Variants in ELOVL6 observed in about 807,000 individuals in gnomAD.
ELOVL6 encodes ELOVL fatty acid elongase 6.
A neutral mutation model predicts 31.7 loss-of-function variants in ELOVL6; 8 were observed. The observed-to-expected ratio is 0.25, with a 90% CI of 0.15 to 0.45. ELOVL6 has a LOEUF of 0.45. Among genes scored for constraint, ELOVL6 ranks in the 20% least tolerant of loss-of-function variants. The probability of loss-of-function intolerance (pLI) is 1.00; values close to 1 mark genes in which losing one functional copy is unlikely to be tolerated. For synonymous variants in ELOVL6, 101 were observed against 117.7 expected, an observed-to-expected ratio of 0.86 and a Z score of 0.92; for missense variants, 126 against 326.4, an observed-to-expected ratio of 0.39 and a Z score of 4.73.
chr4:110,090,600 C>CTTTTTTT (rs544234717), intron 2 of ELOVL6, among the ~76,000 whole-genome samples: 10,818 of 103,174 alleles, frequency 0.1, 1,470 homozygotes, highest in African/African-American at 0.22. Flanking sequence ...GTTTGACTTT[C>CTTTTTTT]TTTTTTTTTT....
At chr4:110,135,042 C>T (rs554200466) in intron 1 of ELOVL6, among the ~76,000 whole-genome samples, 1 of 152,190 alleles carries the variant, frequency 6.6e-6, no homozygotes, top group African/African-American at 2.4e-5. Context: ...GAGTACTTTC[C>T]TTTTATGTAT....
At chr4:110,161,291 T>C (rs1758624410) in intron 1 of ELOVL6, among the ~76,000 whole-genome samples, 1 of 152,210 alleles carries the variant, frequency 6.6e-6, no homozygotes, top group African/African-American at 2.4e-5. Flanking sequence ...CAAAATGCTA[T>C]GTATTATATA....
rs146875470 is a variant in ELOVL6 at position 110,066,274 on chromosome 4, T to C, written c.222-6520A>G. Among the ~76,000 whole-genome samples, 128 of 152,158 alleles carry C rather than the reference T, an allele frequency of 8.4e-4. 1 individual carries two copies. The highest frequency in any genetic ancestry group is 3.0e-3 in the African/African-American group (123 of 41,492). ...GCCAGAACAGGTTAAAACAAATTAA[T>C]CTCAAACCCACTGTAATGCCTCTAG... On this transcript the variant is annotated intron_variant, in intron 2 of 3. Coordinates refer to ENST00000302274, the MANE Select transcript of ELOVL6 (RefSeq NM_024090.3).
Position 110,084,191 on chromosome 4 carries a change from A to ATGTGATATATATGATATATATC in ELOVL6, c.221+21305_221+21306insGATATATATCATATATATCACA, listed in dbSNP as rs1454578180. Reference sequence around the variant, plus strand: ...GATATATATGATATATATAACATATAACTTATATGATATATATAACATATA... The same window carrying ATGTGATATATATGATATATATC: ...GATATATATGATATATATAACATATATGTGATATATATGATATATATCACTTATATGATATATATAACATATA... On this transcript the variant is annotated intron_variant, in intron 2 of 3. Coordinates refer to ENST00000302274, the MANE Select transcript of ELOVL6 (RefSeq NM_024090.3). Among the ~76,000 whole-genome samples, 264 of 87,022 alleles carry ATGTGATATATATGATATATATC rather than the reference A, an allele frequency of 3.0e-3. 9 individuals are homozygous for ATGTGATATATATGATATATATC. Among genetic ancestry groups the ATGTGATATATATGATATATATC allele is most frequent in the Non-Finnish European group, 4.4e-3 (209 of 47,988 alleles). 57.1% of individuals were successfully genotyped at this position (87,022 alleles called of 152,430 possible).
chr4:110,137,122 A>G (rs532420624), intron 1 of ELOVL6, among the ~76,000 whole-genome samples: 1 of 152,352 alleles, frequency 6.6e-6, no homozygotes, highest in East Asian at 1.9e-4. Context: ...TGGTTTCCTT[A>G]GAAACCTGGA....
chr4:110,100,698 A>G (rs1297599679), intron 2 of ELOVL6, among the ~76,000 whole-genome samples: 1 of 152,228 alleles, frequency 6.6e-6, no homozygotes, highest in East Asian at 1.9e-4. Flanking sequence ...GTGATTTTCC[A>G]AAAGAAAAAT....
At chr4:110,150,675 T>C (rs1758252412) in intron 1 of ELOVL6, among the ~76,000 whole-genome samples, 1 of 152,188 alleles carries the variant, frequency 6.6e-6, no homozygotes, top group Admixed American at 6.5e-5. Context: ...TACTCTTGCA[T>C]TGTATGATCC....
At chr4:110,146,438 T>A (rs1758113139) in intron 1 of ELOVL6, 1 of 152,422 alleles carries the variant, frequency 6.6e-6, no homozygotes, top group Non-Finnish European at 1.5e-5. Flanking sequence ...CTCAAATCTT[T>A]GTGTTCACTT....
intron 1 of ELOVL6, among the ~76,000 whole-genome samples, chr4:110,151,042 GA>G (rs200890182): frequency 2.4e-3 from 314 of 128,504 alleles, no homozygotes; most frequent in Middle Eastern, 0.013. Flanking sequence ...GACTCCGTCT[GA>G]AAAAAAAAAA....
intron 2 of ELOVL6, among the ~76,000 whole-genome samples, chr4:110,088,791 G>C (rs1756340135): frequency 6.6e-6 from 1 of 152,188 alleles, no homozygotes; most frequent in Admixed American, 6.5e-5. Flanking sequence ...TCACAGGTGT[G>C]AATCTGCTTG....
chr4:110,197,946 C>T (rs1759862832), intron 1 of ELOVL6: 4 of 454,690 alleles, frequency 8.8e-6, no homozygotes, highest in Non-Finnish European at 1.6e-5. Flanking sequence ...TGGCATCTCT[C>T]CCGCCTTCCC....
chr4:110,114,925 T>C (rs547754594), intron 1 of ELOVL6, among the ~76,000 whole-genome samples: 1 of 152,294 alleles, frequency 6.6e-6, no homozygotes, highest in African/African-American at 2.4e-5. Flanking sequence ...ATATCCATGT[T>C]TATGAGCACT....
intron 2 of ELOVL6, among the ~76,000 whole-genome samples, chr4:110,067,818 C>G (rs1421695983): frequency 6.6e-6 from 1 of 152,168 alleles, no homozygotes; most frequent in African/African-American, 2.4e-5. Context: ...AATCAACATA[C>G]CACTTTCTTT....
intron 2 of ELOVL6, among the ~76,000 whole-genome samples, chr4:110,084,064 A>G (rs1412613317): frequency 9.8e-6 from 1 of 102,112 alleles, no homozygotes; most frequent in African/African-American, 3.2e-5. Flanking sequence ...TATGATATAT[A>G]ACATATATAT....
chr4:110,189,162 C>A (rs1414929271), intron 1 of ELOVL6, among the ~76,000 whole-genome samples: 1 of 152,028 alleles, frequency 6.6e-6, no homozygotes, highest in Non-Finnish European at 1.5e-5. Context: ...TGCCTGTAAT[C>A]CCAGCTACTT....
At chr4:110,175,863 C>A (rs1759087913) in intron 1 of ELOVL6, among the ~76,000 whole-genome samples, 1 of 152,056 alleles carries the variant, frequency 6.6e-6, no homozygotes, top group South Asian at 2.1e-4. Context: ...ATGATAGATT[C>A]CAGTATCAAT....
chr4:110,088,889 C>A lies in ELOVL6; in HGVS notation c.221+16608G>T, dbSNP rs185909190. On this transcript the variant is annotated intron_variant, in intron 2 of 3. Coordinates refer to ENST00000302274, the MANE Select transcript of ELOVL6 (RefSeq NM_024090.3). ...AGTCAGAATGGTGCACAACTTAAAA[C>A]TGTATAAATTGTTTGTTTCTGGAAT... 6.0e-4 allele frequency among the ~76,000 whole-genome samples: 85 copies of A among 140,764 alleles called. 1 individual carries two copies. The highest frequency in any genetic ancestry group is 1.8e-3 in the East Asian group (9 of 4,970). The allele number at this position is 140,764 out of a possible 152,430, so 92.3% of individuals were successfully genotyped here.
rs148753272 is a variant in ELOVL6, at chr4:110,173,670, A to AAAT, written c.89+24574_89+24576dup. Among the ~76,000 whole-genome samples, 1,331 of 140,926 alleles carry AAAT rather than the reference A, an allele frequency of 9.4e-3. 10 individuals carry two copies. Among genetic ancestry groups the AAAT allele is most frequent in the Middle Eastern group, 0.026 (7 of 266 alleles). The allele number at this position is 140,926 out of a possible 152,430, so 92.5% of individuals were successfully genotyped here. On this transcript the variant is annotated intron_variant, in intron 1 of 3. Coordinates refer to ENST00000302274, the MANE Select transcript of ELOVL6 (RefSeq NM_024090.3). The stretch of plus-strand genomic sequence containing the variant: ...GCAGAACTAGAAATCAGGTAAAGGA[A>AAAT]AATAATAATAATAATAATAATAATA...
chr4:110,187,589 G>A (rs1203707005), intron 1 of ELOVL6, among the ~76,000 whole-genome samples: 2 of 151,860 alleles, frequency 1.3e-5, no homozygotes, highest in Non-Finnish European at 2.9e-5. Flanking sequence ...CCAACTAATA[G>A]GGAGGCTGAG....
Sources: allele counts gnomAD v4.1 joint callset (sites outside exome capture counted in the v4.1 genomes callset), GRCh38; gene constraint gnomAD v4.1.1; transcripts MANE v1.5; gene names NCBI Gene and HGNC (gene_info 2026-07-23, HGNC 2026-07-21).